QTMAN: variants seen among roughly 807,000 people sequenced by gnomAD.
The protein encoded by QTMAN is queuosine-tRNA mannosyltransferase, also known as tRNA-queuosine alpha-mannosyltransferase.
chr2:143,993,396 A>G, the QTMAN span, among the ~76,000 whole-genome samples: 1 of 150,210 alleles, frequency 6.7e-6, no homozygotes, highest in African/African-American at 2.4e-5. Context: ...TACCTATTAC[A>G]TGGCAAGCAA....
the QTMAN span, chr2:144,007,125 A>T: frequency 1.0e-6 from 1 of 979,202 alleles, no homozygotes; most frequent in East Asian, 2.4e-5. Flanking sequence ...AATCAACAGA[A>T]TATATTTTCT....
At chr2:144,041,562 T>C in the QTMAN span, among the ~76,000 whole-genome samples, 1 of 152,232 alleles carries the variant, frequency 6.6e-6, no homozygotes, top group Non-Finnish European at 1.5e-5. Flanking sequence ...AGGACAAATT[T>C]AAGCACCACA....
At chr2:144,128,282 T>C in the QTMAN span, 1 of 152,016 alleles carries the variant, frequency 6.6e-6, no homozygotes, top group East Asian at 1.9e-4. Context: ...CTCTTATTCC[T>C]CACTCTTCAA....
the QTMAN span, among the ~76,000 whole-genome samples, chr2:144,124,829 T>C: frequency 1.3e-5 from 2 of 152,122 alleles, no homozygotes; most frequent in Non-Finnish European, 2.9e-5. Context: ...CATTTTTGCA[T>C]TGAAATTTTT....
At chr2:144,014,204 T>A in the QTMAN span, among the ~76,000 whole-genome samples, 1 of 152,174 alleles carries the variant, frequency 6.6e-6, no homozygotes, top group Non-Finnish European at 1.5e-5. Flanking sequence ...AGGTGGCACA[T>A]GTCTATGAAG....
the QTMAN span, among the ~76,000 whole-genome samples, chr2:144,063,069 T>C: frequency 6.6e-6 from 1 of 152,148 alleles, no homozygotes; most frequent in East Asian, 1.9e-4. Context: ...GGCAGGTCTA[T>C]GGGAAAAAAC....
chr2:144,163,912 A>G, the QTMAN span, among the ~76,000 whole-genome samples: 2 of 151,286 alleles, frequency 1.3e-5, no homozygotes, highest in African/African-American at 2.5e-5. Context: ...TATGCGATTT[A>G]GGGAAAGTTT....
the QTMAN span, among the ~76,000 whole-genome samples, chr2:144,050,781 G>GCACACA: frequency 1.2e-3 from 174 of 149,008 alleles, no homozygotes; most frequent in South Asian, 5.3e-3. Context: ...CTTTCAGTCA[G>GCACACA]CACACACACA....
chr2:144,218,915 TA>T, the QTMAN span, among the ~76,000 whole-genome samples: 1,522 of 54,642 alleles, frequency 0.028, 11 homozygotes, highest in South Asian at 0.08. Context: ...GGAAAGTATC[TA>T]AAAAAAAAAA....
At chr2:144,071,926 T>C in the QTMAN span, among the ~76,000 whole-genome samples, 1 of 152,174 alleles carries the variant, frequency 6.6e-6, no homozygotes, top group Non-Finnish European at 1.5e-5. Flanking sequence ...TCTAGGCCTC[T>C]TGTAGACAAG....
At chr2:144,188,276 ATT>A in the QTMAN span, among the ~76,000 whole-genome samples, 1 of 149,138 alleles carries the variant, frequency 6.7e-6, no homozygotes, top group Non-Finnish European at 1.5e-5. Flanking sequence ...AGTAGCACCA[ATT>A]TTTTTTTTTA....
At chr2:143,993,469 T>G in the QTMAN span, among the ~76,000 whole-genome samples, 1 of 151,868 alleles carries the variant, frequency 6.6e-6, no homozygotes, top group Non-Finnish European at 1.5e-5. Context: ...GAGATTATCT[T>G]CGAACATCTG....
At chr2:144,232,552 T>A in the QTMAN span, among the ~76,000 whole-genome samples, 1 of 152,142 alleles carries the variant, frequency 6.6e-6, no homozygotes, top group Admixed American at 6.6e-5. Flanking sequence ...TCAAAGTAAT[T>A]TTCTTATTGC....
the QTMAN span, among the ~76,000 whole-genome samples, chr2:143,997,943 A>G: frequency 6.6e-6 from 1 of 152,230 alleles, no homozygotes; most frequent in Middle Eastern, 3.4e-3. Context: ...TGTCAACTGC[A>G]GCTGAAATAG....
chr2:144,132,655 C>T, the QTMAN span, among the ~76,000 whole-genome samples: 1 of 152,106 alleles, frequency 6.6e-6, no homozygotes, highest in East Asian at 1.9e-4. Context: ...AAGACAGTCT[C>T]TATCTTTTTA....
At chr2:144,009,824 A>C in the QTMAN span, among the ~76,000 whole-genome samples, 1 of 152,058 alleles carries the variant, frequency 6.6e-6, no homozygotes, top group Non-Finnish European at 1.5e-5. Flanking sequence ...AGAAACTAAA[A>C]CACAACATAA....
the QTMAN span, among the ~76,000 whole-genome samples, chr2:144,066,524 A>G: frequency 6.6e-6 from 1 of 152,232 alleles, no homozygotes; most frequent in Non-Finnish European, 1.5e-5. Context: ...CTAAGAAATG[A>G]CCAAGCACTG....
the QTMAN span, among the ~76,000 whole-genome samples, chr2:144,134,546 ATTC>A: frequency 6.6e-6 from 1 of 152,270 alleles, no homozygotes; most frequent in East Asian, 1.9e-4. Flanking sequence ...AATTGAGGAA[ATTC>A]ACAGGAAAAA....
At chr2:144,193,390 C>G in the QTMAN span, among the ~76,000 whole-genome samples, 1 of 148,596 alleles carries the variant, frequency 6.7e-6, no homozygotes, top group Admixed American at 6.7e-5. Context: ...CATTACTACA[C>G]CTATTATATA....
Sources: allele counts gnomAD v4.1 joint callset (sites outside exome capture counted in the v4.1 genomes callset), GRCh38; gene constraint gnomAD v4.1.1; transcripts MANE v1.5; gene names NCBI Gene and HGNC (gene_info 2026-07-23, HGNC 2026-07-21).